Variants in PTGFR observed in about 807,000 individuals in gnomAD.
PTGFR encodes the protein prostaglandin F receptor.
Under a neutral mutation model 26.2 loss-of-function variants are expected in PTGFR, and 15 were observed. That is an observed-to-expected ratio of 0.57 (90% CI 0.38 to 0.88). PTGFR has a LOEUF of 0.88. Among genes scored for constraint, PTGFR ranks in the 40% least tolerant of loss-of-function variants. The probability of loss-of-function intolerance (pLI) is 0.00; values close to 1 mark genes in which losing one functional copy is unlikely to be tolerated. For missense variants in PTGFR, 369 were observed against 427.2 expected, an observed-to-expected ratio of 0.86 and a Z score of 1.20; for synonymous variants, 165 against 151.1, an observed-to-expected ratio of 1.09 and a Z score of -0.68.
At chr1:78,528,932 A>G (rs772652383) in intron 2 of PTGFR, among the ~76,000 whole-genome samples, 2 of 152,206 alleles carry the variant, frequency 1.3e-5, no homozygotes, top group Non-Finnish European at 2.9e-5. Context: ...CACAGTTTCA[A>G]TAAGCAGATA....
At chr1:78,530,911 T>C (rs550911839) in intron 2 of PTGFR, among the ~76,000 whole-genome samples, 14 of 152,098 alleles carry the variant, frequency 9.2e-5, no homozygotes, top group Non-Finnish European at 1.3e-4. Flanking sequence ...GGCTTTCTTT[T>C]TGGCAATATC....
At position 78,538,732 on chromosome 1, in the gene PTGFR, G is replaced by A. The variant is rs1650720896; in HGVS notation, c.*2045G>A. 1 of 152,134 alleles carries A rather than the reference G, an allele frequency of 6.6e-6. No individual in the cohort carries two copies. Among genetic ancestry groups the A allele is most frequent in the South Asian group, 2.1e-4 (1 of 4,826 alleles). 9.4% of individuals were successfully genotyped at this position (152,134 alleles called of 1,614,324 possible). On this transcript the variant is annotated 3_prime_UTR_variant, in exon 3 of 3. Coordinates refer to ENST00000370757, the MANE Select transcript of PTGFR (RefSeq NM_000959.4). ...ATCTACCAATAACTTTCACATAAATGTTCAAAATAGAAGTGTATTTTTTCA... is the reference window on the plus strand; with the variant it reads ...ATCTACCAATAACTTTCACATAAATATTCAAAATAGAAGTGTATTTTTTCA...
intron 2 of PTGFR, among the ~76,000 whole-genome samples, chr1:78,494,958 G>A (rs1649510733): frequency 6.6e-6 from 1 of 152,258 alleles, no homozygotes; most frequent in African/African-American, 2.4e-5. Context: ...ATAAAAGTTT[G>A]TGATAGCTGC....
At chr1:78,534,344 C>T (rs1242732764) in intron 2 of PTGFR, among the ~76,000 whole-genome samples, 1 of 152,144 alleles carries the variant, frequency 6.6e-6, no homozygotes, top group Non-Finnish European at 1.5e-5. Flanking sequence ...AGCTTGCAGA[C>T]ATCCTTGTTC....
chr1:78,519,294 A>G (rs1331690631), intron 2 of PTGFR, among the ~76,000 whole-genome samples: 1 of 152,160 alleles, frequency 6.6e-6, no homozygotes, highest in African/African-American at 2.4e-5. Flanking sequence ...GTTTGAACAT[A>G]GTTGCCACGT....
At chr1:78,520,639 A>G (rs1650200476) in intron 2 of PTGFR, among the ~76,000 whole-genome samples, 2 of 152,130 alleles carry the variant, frequency 1.3e-5, no homozygotes, top group Admixed American at 1.3e-4. Context: ...GTGAGTCATT[A>G]GTATAATTTG....
At chr1:78,535,998 A>C (rs892803161) in intron 2 of PTGFR, among the ~76,000 whole-genome samples, 1 of 152,162 alleles carries the variant, frequency 6.6e-6, no homozygotes, top group African/African-American at 2.4e-5. Flanking sequence ...AGATGCTCTA[A>C]ATTCATTTTG....
At chr1:78,533,396 G>C (rs1313497722) in intron 2 of PTGFR, among the ~76,000 whole-genome samples, 5 of 152,044 alleles carry the variant, frequency 3.3e-5, no homozygotes, top group African/African-American at 1.2e-4. Context: ...TGGAAGTCTG[G>C]ACTAGACAAC....
intron 2 of PTGFR, among the ~76,000 whole-genome samples, chr1:78,508,335 A>G (rs558656351): frequency 1.3e-5 from 2 of 152,270 alleles, no homozygotes; most frequent in African/African-American, 4.8e-5. Flanking sequence ...TTTGAAATTT[A>G]ATAATAGTGT....
intron 2 of PTGFR, among the ~76,000 whole-genome samples, chr1:78,531,647 A>ATTAATTTATTTTT (rs1484385341): frequency 1.3e-5 from 2 of 152,056 alleles, no homozygotes; most frequent in African/African-American, 4.8e-5. Flanking sequence ...TATTTAATTA[A>ATTAATTTATTTTT]TTAATTTATT....
In PTGFR at chr1:78,539,639, G is replaced by T. The variant is rs191992620; in HGVS notation, c.*2952G>T. 6.9e-4 allele frequency: 106 copies of T among 152,604 alleles called. No individual in the cohort carries two copies. Among genetic ancestry groups the T allele is most frequent in the African/African-American group, 2.5e-3 (102 of 41,552 alleles). 9.5% of individuals were successfully genotyped at this position (152,604 alleles called of 1,614,324 possible). A position where few individuals can be genotyped will look rare whatever the true frequency, so the allele number is the denominator to read the frequency against. On this transcript the variant is annotated 3_prime_UTR_variant, in exon 3 of 3. Transcript: ENST00000370757. ...TGTTGGATTGTATAGAGATTAAATA[G>T]TGATATGTATATTTTGTTGTTTGCT...
chr1:78,510,798 T>A (rs1481655258), intron 2 of PTGFR, among the ~76,000 whole-genome samples: 1 of 152,108 alleles, frequency 6.6e-6, no homozygotes, highest in Admixed American at 6.6e-5. Context: ...CTTCCACCTA[T>A]GAGCCTGTGA....
At chr1:78,507,652 T>G (rs540613712) in intron 2 of PTGFR, among the ~76,000 whole-genome samples, 4 of 152,340 alleles carry the variant, frequency 2.6e-5, no homozygotes, top group Non-Finnish European at 2.9e-5. Flanking sequence ...ATAACCATAC[T>G]AAAAACAGTT....
At chr1:78,495,114 G>A (rs1649514132) in intron 2 of PTGFR, among the ~76,000 whole-genome samples, 1 of 152,144 alleles carries the variant, frequency 6.6e-6, no homozygotes, top group Admixed American at 6.5e-5. Flanking sequence ...AATATTTTTT[G>A]TGTTGTTCCT....
In PTGFR at chr1:78,536,840, TG is replaced by T. The variant is rs1250279279; in HGVS notation, c.*154del. ...ATTGTCAGATTCAGGTTTTGAAATT[TG>T]TCAAATAAACAGGATAACTGTACAT... On this transcript the variant is annotated 3_prime_UTR_variant, in exon 3 of 3. Coordinates refer to ENST00000370757, the MANE Select transcript of PTGFR (RefSeq NM_000959.4). The T allele has an allele frequency of 3.8e-5, 34 of 905,810 alleles. No individual in the cohort carries two copies. The highest frequency in any genetic ancestry group is 5.4e-5 in the Non-Finnish European group (34 of 628,694). The allele number at this position is 905,810 out of a possible 1,614,324, so 56.1% of individuals were successfully genotyped here. A position where few individuals can be genotyped will look rare whatever the true frequency, so the allele number is the denominator to read the frequency against.
In PTGFR at chr1:78,540,487, G is replaced by A. The variant is rs1407934576; in HGVS notation, c.*3800G>A. Among the ~76,000 whole-genome samples the A allele has an allele frequency of 6.6e-6, 1 of 152,080 alleles. No individual in the cohort carries two copies. Among genetic ancestry groups the A allele is most frequent in the Non-Finnish European group, 1.5e-5 (1 of 67,992 alleles). Reference sequence around the variant, plus strand: ...AACATTTAGGACTCACTCTTTGTAAGTACTGACAAGCATGGTCTTGTAATC... The same window carrying A: ...AACATTTAGGACTCACTCTTTGTAAATACTGACAAGCATGGTCTTGTAATC... On this transcript the variant is annotated 3_prime_UTR_variant, in exon 3 of 3. Coordinates refer to ENST00000370757, the MANE Select transcript of PTGFR (RefSeq NM_000959.4).
chr1:78,531,187 C>A (rs779595090), intron 2 of PTGFR, among the ~76,000 whole-genome samples: 2 of 152,126 alleles, frequency 1.3e-5, no homozygotes, highest in African/African-American at 2.4e-5. Context: ...TTGAATCGAA[C>A]TAATTGATTA....
At chr1:78,532,228 C>A (rs1265663) in intron 2 of PTGFR, 4 of 404,478 alleles carry the variant, frequency 9.9e-6, no homozygotes, top group Non-Finnish European at 2.0e-5. Context: ...AGACACTCAA[C>A]GAGAAATGAC....
At chr1:78,501,252 T>C (rs1468210728) in intron 2 of PTGFR, among the ~76,000 whole-genome samples, 1 of 152,250 alleles carries the variant, frequency 6.6e-6, no homozygotes, top group Non-Finnish European at 1.5e-5. Flanking sequence ...TTGCCAGTTT[T>C]AGCTTTATTT....
Sources: allele counts gnomAD v4.1 joint callset (sites outside exome capture counted in the v4.1 genomes callset), GRCh38; gene constraint gnomAD v4.1.1; transcripts MANE v1.5; gene names NCBI Gene and HGNC (gene_info 2026-07-23, HGNC 2026-07-21).